The following BTBD7 variants were observed in gnomAD, a reference collection of about 807,000 sequenced individuals.
BTBD7 encodes BTB domain containing 7.
A neutral mutation model predicts 99.9 loss-of-function variants in BTBD7; 38 were observed. The ratio of observed to expected loss-of-function variants is 0.38; its 90% CI spans 0.29 to 0.50. BTBD7 has a LOEUF of 0.50. Among genes scored for constraint, BTBD7 ranks in the 20% least tolerant of loss-of-function variants. The pLI, the probability that BTBD7 is intolerant of heterozygous loss-of-function variation, is 0.93. For missense variants in BTBD7, 1,170 were observed against 1,394.6 expected, an observed-to-expected ratio of 0.84 and a Z score of 2.57; for synonymous variants, 520 against 511.4, an observed-to-expected ratio of 1.02 and a Z score of -0.23.
intron 1 of BTBD7, among the ~76,000 whole-genome samples, chr14:93,300,014 TA>T (rs1002238526): frequency 5.3e-5 from 8 of 152,236 alleles, no homozygotes; most frequent in Middle Eastern, 3.4e-3. Flanking sequence ...ATCTTTGCCA[TA>T]AAAACACTTT....
At chr14:93,271,851 C>CA (rs1164020415) in intron 3 of BTBD7, among the ~76,000 whole-genome samples, 1 of 151,396 alleles carries the variant, frequency 6.6e-6, no homozygotes, top group Non-Finnish European at 1.5e-5. Context: ...ACAAAAAATA[C>CA]AAAAATTAGG....
chr14:93,288,581 T>C, intron 3 of BTBD7: 1 of 877,730 alleles, frequency 1.1e-6, no homozygotes, highest in African/African-American at 1.6e-5. Flanking sequence ...CTGATCTCTG[T>C]CTCAATTTGG....
chr14:93,330,683 T>C (rs1003263510), intron 1 of BTBD7, among the ~76,000 whole-genome samples: 1 of 152,232 alleles, frequency 6.6e-6, no homozygotes, highest in African/African-American at 2.4e-5. Flanking sequence ...ATTCATCTAA[T>C]GCAAAACAAA....
chr14:93,285,917 G>A (rs1000217649), intron 3 of BTBD7, among the ~76,000 whole-genome samples: 6 of 152,216 alleles, frequency 3.9e-5, no homozygotes, highest in Non-Finnish European at 8.8e-5. Flanking sequence ...TTAATCTACA[G>A]TGTTGCTGGG....
At position 93,332,946 on chromosome 14, in the gene BTBD7, C is replaced by CG. The variant is rs2053473516; in HGVS notation, c.-234dup. On this transcript the variant is annotated 5_prime_UTR_variant, in exon 1 of 11. Coordinates refer to ENST00000334746, the MANE Select transcript of BTBD7 (RefSeq NM_001002860.4). Reference sequence around the variant, plus strand: ...CCGGCCATCCTCCTCCCACCGCCGCCGCCGCCGCCCTCTCCTCTCCTGTCA... The same window carrying CG: ...CCGGCCATCCTCCTCCCACCGCCGCCGGCCGCCGCCCTCTCCTCTCCTGTCA... 1 of 802,042 alleles carries CG rather than the reference C, an allele frequency of 1.2e-6. No individual in the cohort carries two copies. 49.7% of individuals were successfully genotyped at this position (802,042 alleles called of 1,614,324 possible). A position where few individuals can be genotyped will look rare whatever the true frequency, so the allele number is the denominator to read the frequency against.
At chr14:93,244,244 G>T in intron 10 of BTBD7, 1 of 305,732 alleles carries the variant, frequency 3.3e-6, no homozygotes, top group East Asian at 9.3e-5. Context: ...AGATCTAAGA[G>T]GATGCTGGCT....
At chr14:93,249,503 AG>A (rs1303004976) in intron 8 of BTBD7, among the ~76,000 whole-genome samples, 1 of 152,228 alleles carries the variant, frequency 6.6e-6, no homozygotes, top group African/African-American at 2.4e-5. Flanking sequence ...GGAGGATGAC[AG>A]GATCAGAGCT....
At chr14:93,301,615 G>A (rs1243555497) in intron 1 of BTBD7, among the ~76,000 whole-genome samples, 1 of 152,144 alleles carries the variant, frequency 6.6e-6, no homozygotes, top group Non-Finnish European at 1.5e-5. Context: ...GCTTGTGCCA[G>A]GAGTTCGAGG....
chr14:93,250,238 G>C (rs888583615), intron 8 of BTBD7, among the ~76,000 whole-genome samples: 1 of 152,130 alleles, frequency 6.6e-6, no homozygotes, highest in Non-Finnish European at 1.5e-5. Flanking sequence ...ACAATAGAGA[G>C]ACAAGCCTTA....
chr14:93,251,629 C>T lies in BTBD7; in HGVS notation c.1776G>A (p.Val592=), dbSNP rs2052369078. Residue 592 remains valine (V), a synonymous_variant, in exon 8 of 11, where the codon GTG becomes GTA. Transcript: ENST00000334746. ...GCAAGCGCACAAGATCCGTTTGTTC[C>T]ACCATCATCTCATCTAGCACTGACT... ...EAKSVLDEMM[V]EQTDLVRLRM... is the part of the protein sequence containing the mutation. 2 of 1,612,530 alleles carry T rather than the reference C, an allele frequency of 1.2e-6. No homozygotes were observed. Among genetic ancestry groups the T allele is most frequent in the Non-Finnish European group, 1.7e-6 (2 of 1,179,008 alleles).
intron 3 of BTBD7, among the ~76,000 whole-genome samples, chr14:93,290,842 C>G (rs1170596358): frequency 1.3e-5 from 2 of 151,954 alleles, no homozygotes; most frequent in Non-Finnish European, 2.9e-5. Context: ...TACCATGATG[C>G]CTGGCTAATT....
intron 3 of BTBD7, 121 bp downstream of exon 3, chr14:93,293,737 C>A: frequency 7.6e-7 from 1 of 1,311,632 alleles, no homozygotes; most frequent in Non-Finnish European, 1.0e-6. Flanking sequence ...ACTGAAGGTT[C>A]AAAAAAACTG....
chr14:93,255,498 A>G (rs1438549501), intron 6 of BTBD7: 1 of 151,894 alleles, frequency 6.6e-6, no homozygotes, highest in Non-Finnish European at 1.5e-5. Context: ...CATACTTTGC[A>G]TAATCTTTTT....
At chr14:93,329,586 A>T (rs2053375190) in intron 1 of BTBD7, among the ~76,000 whole-genome samples, 1 of 152,270 alleles carries the variant, frequency 6.6e-6, no homozygotes, top group African/African-American at 2.4e-5. Context: ...ATATAAAAAT[A>T]ACATACAATG....
At chr14:93,290,520 T>G (rs1356659512) in intron 3 of BTBD7, among the ~76,000 whole-genome samples, 2 of 146,522 alleles carry the variant, frequency 1.4e-5, no homozygotes, top group African/African-American at 5.0e-5. Flanking sequence ...CCTTTTTTTT[T>G]TTTTTTTTTT....
At chr14:93,297,158 C>T (rs1246677612) in intron 1 of BTBD7, among the ~76,000 whole-genome samples, 2 of 152,134 alleles carry the variant, frequency 1.3e-5, no homozygotes, top group African/African-American at 4.8e-5. Flanking sequence ...GTGAAAAACA[C>T]GTACACAAAT....
At chr14:93,286,349 A>G (rs1186904766) in intron 3 of BTBD7, among the ~76,000 whole-genome samples, 1 of 152,228 alleles carries the variant, frequency 6.6e-6, no homozygotes, top group Non-Finnish European at 1.5e-5. Flanking sequence ...CTACCTATTC[A>G]GGAAACAATG....
intron 3 of BTBD7, among the ~76,000 whole-genome samples, chr14:93,281,292 G>A (rs2052717181): frequency 6.6e-6 from 1 of 151,066 alleles, no homozygotes; most frequent in Non-Finnish European, 1.5e-5. Context: ...ATGAGCCGCT[G>A]TGCCCTAATT....
intron 7 of BTBD7, among the ~76,000 whole-genome samples, chr14:93,252,217 C>T (rs568568547): frequency 4.2e-4 from 64 of 151,294 alleles, no homozygotes; most frequent in Admixed American, 7.9e-4. Flanking sequence ...GGCTGAGGCA[C>T]GAGAACTGCT....
Sources: gnomAD v4.1 joint callset for allele counts (sites outside exome capture counted in the v4.1 genomes callset) on GRCh38, gnomAD v4.1.1 for gene constraint, MANE v1.5 for transcripts, NCBI Gene and HGNC (gene_info 2026-07-23, HGNC 2026-07-21) for gene names.